DTNB: variants seen among roughly 807,000 people sequenced by gnomAD.
The protein encoded by DTNB is dystrobrevin beta.
Under a neutral mutation model 90.7 loss-of-function variants are expected in DTNB, and 63 were observed. The ratio of observed to expected loss-of-function variants is 0.69; its 90% CI spans 0.57 to 0.86. DTNB has a LOEUF of 0.86. Ranked by LOEUF, DTNB falls within the 40% of genes least tolerant of loss-of-function variation. The pLI is 0.00. For synonymous variants in DTNB, 277 were observed against 286.7 expected, an observed-to-expected ratio of 0.97 and a Z score of 0.34; for missense variants, 744 against 807.1, an observed-to-expected ratio of 0.92 and a Z score of 0.95.
chr2:25,397,809 G>C (rs2042774292), intron 16 of DTNB, among the ~76,000 whole-genome samples: 1 of 151,364 alleles, frequency 6.6e-6, no homozygotes, highest in Admixed American at 6.6e-5. Flanking sequence ...GAACCCAGGA[G>C]GTGGAGCTTG....
At chr2:25,558,558 G>A (rs1237478533) in intron 8 of DTNB, among the ~76,000 whole-genome samples, 1 of 152,222 alleles carries the variant, frequency 6.6e-6, no homozygotes, top group Non-Finnish European at 1.5e-5. Context: ...ATCGCTCTAA[G>A]AATAATCAGG....
chr2:25,427,228 T>A (rs529510726), intron 15 of DTNB, among the ~76,000 whole-genome samples: 20 of 123,304 alleles, frequency 1.6e-4, no homozygotes, highest in Admixed American at 6.9e-4. Flanking sequence ...CACACACTAC[T>A]TTAAGTAGTT....
chr2:25,603,148 T>C (rs566157620), intron 5 of DTNB, among the ~76,000 whole-genome samples: 10 of 152,352 alleles, frequency 6.6e-5, no homozygotes, highest in Admixed American at 5.2e-4. Flanking sequence ...CTCCTTTTAG[T>C]GCAACCAGAT....
chr2:25,484,913 C>T (rs1163167515), intron 9 of DTNB, among the ~76,000 whole-genome samples: 2 of 152,128 alleles, frequency 1.3e-5, no homozygotes, highest in East Asian at 3.8e-4. Flanking sequence ...GACTAATGAT[C>T]GAAGTGAACA....
chr2:25,494,428 T>C (rs1247058659), intron 9 of DTNB, among the ~76,000 whole-genome samples: 2 of 124,814 alleles, frequency 1.6e-5, no homozygotes, highest in African/African-American at 3.0e-5. Context: ...TCAGGACTAC[T>C]AGCCTCAAAT....
intron 19 of DTNB, among the ~76,000 whole-genome samples, chr2:25,380,763 TGG>T (rs2037450531): frequency 1.4e-5 from 2 of 144,064 alleles, no homozygotes; most frequent in Non-Finnish European, 3.2e-5. Context: ...CCCTGGGGCC[TGG>T]AGGCCCGGGC....
chr2:25,604,375 C>CT (rs937027318), intron 5 of DTNB, among the ~76,000 whole-genome samples: 6 of 147,450 alleles, frequency 4.1e-5, no homozygotes, highest in Admixed American at 6.9e-5. Context: ...TCTTTCTTTT[C>CT]TTTTTTTTCT....
At chr2:25,594,901 A>C (rs1407908511) in intron 6 of DTNB, 1 of 152,218 alleles carries the variant, frequency 6.6e-6, no homozygotes, top group African/African-American at 2.4e-5. Flanking sequence ...CAGTCTATAA[A>C]CTTTATTCAG....
intron 8 of DTNB, among the ~76,000 whole-genome samples, chr2:25,575,085 A>T (rs2060452889): frequency 6.6e-6 from 1 of 152,182 alleles, no homozygotes; most frequent in Admixed American, 6.5e-5. Context: ...AAATGAGGAA[A>T]TTCAAACCAG....
intron 20 of DTNB, among the ~76,000 whole-genome samples, chr2:25,378,637 G>A (rs2036587335): frequency 6.6e-6 from 1 of 152,206 alleles, no homozygotes; most frequent in Non-Finnish European, 1.5e-5. Flanking sequence ...ATATCTTGGT[G>A]CTGGGACTAG....
chr2:25,569,993 A>G (rs2059587006), intron 8 of DTNB, among the ~76,000 whole-genome samples: 1 of 151,480 alleles, frequency 6.6e-6, no homozygotes, highest in South Asian at 2.1e-4. Context: ...GCTACTCAGG[A>G]GGCTGAGGCA....
intron 6 of DTNB, among the ~76,000 whole-genome samples, chr2:25,583,606 C>T (rs1010814020): frequency 6.6e-6 from 1 of 151,886 alleles, no homozygotes; most frequent in Admixed American, 6.5e-5. Context: ...ACTGCAACCT[C>T]CGACTCCCTG....
intron 4 of DTNB, 34 bp from the exon 5 acceptor site, chr2:25,607,355 T>C (rs186166727): frequency 5.0e-4 from 773 of 1,556,284 alleles, no homozygotes; most frequent in Non-Finnish European, 6.1e-4. Context: ...ATAATTGCTA[T>C]CTGAAACCAC....
chr2:25,406,476 G>A (rs186895632), intron 16 of DTNB, among the ~76,000 whole-genome samples: 6 of 151,192 alleles, frequency 4.0e-5, no homozygotes, highest in East Asian at 1.9e-4. Context: ...CGGAGGTTGC[G>A]GTGAGCCGAG....
chr2:25,600,388 G>C (rs2065618522), intron 5 of DTNB, among the ~76,000 whole-genome samples: 2 of 152,218 alleles, frequency 1.3e-5, no homozygotes, highest in South Asian at 4.1e-4. Flanking sequence ...AGTAAGTACA[G>C]AGGCCTGGGA....
At chr2:25,669,422 C>CT (rs754416855) in intron 1 of DTNB, among the ~76,000 whole-genome samples, 14 of 151,996 alleles carry the variant, frequency 9.2e-5, no homozygotes, top group Non-Finnish European at 1.3e-4. Context: ...GGAAGAAACT[C>CT]TAAGAATATA....
At chr2:25,414,617 C>G (rs1186381245) in intron 16 of DTNB, among the ~76,000 whole-genome samples, 1 of 152,026 alleles carries the variant, frequency 6.6e-6, no homozygotes, top group Non-Finnish European at 1.5e-5. Flanking sequence ...CTGGGAGTGC[C>G]TTGAGCAAAA....
intron 12 of DTNB, among the ~76,000 whole-genome samples, chr2:25,442,309 G>T (rs2057591827): frequency 6.6e-6 from 1 of 152,190 alleles, no homozygotes; most frequent in Admixed American, 6.5e-5. Flanking sequence ...AACATGGCAG[G>T]TGACTCTGGC....
intron 8 of DTNB, among the ~76,000 whole-genome samples, chr2:25,541,645 A>G (rs543089520): frequency 1.3e-5 from 2 of 152,262 alleles, no homozygotes; most frequent in South Asian, 4.2e-4. Context: ...CCCTCCCTCC[A>G]GCCCCTGAAA....
Sources: allele counts gnomAD v4.1 joint callset (sites outside exome capture counted in the v4.1 genomes callset), GRCh38; gene constraint gnomAD v4.1.1; transcripts MANE v1.5; gene names NCBI Gene and HGNC (gene_info 2026-07-23, HGNC 2026-07-21).